DENND2B: variants seen among roughly 807,000 people sequenced by gnomAD.
The protein encoded by DENND2B is DENN domain containing 2B.
Under a neutral mutation model 116.0 loss-of-function variants are expected in DENND2B, and 32 were observed. The ratio of observed to expected loss-of-function variants is 0.28; its 90% CI spans 0.21 to 0.37. The LOEUF (loss-of-function observed/expected upper bound fraction) is 0.37. DENND2B is among the 10% of genes least tolerant of loss of function. The pLI, the probability that DENND2B is intolerant of heterozygous loss-of-function variation, is 1.00. For missense variants in DENND2B, 1,276 were observed against 1,477.7 expected, an observed-to-expected ratio of 0.86 and a Z score of 2.24; for synonymous variants, 588 against 583.9, an observed-to-expected ratio of 1.01 and a Z score of -0.10.
intron 1 of DENND2B, among the ~76,000 whole-genome samples, chr11:8,801,396 G>A (rs2060296430): frequency 6.6e-6 from 1 of 152,130 alleles, no homozygotes; most frequent in South Asian, 2.1e-4. Flanking sequence ...AAACACAGCT[G>A]CCTGGCGTGG....
chr11:8,699,202 C>A lies in DENND2B; in HGVS notation c.2898+11G>T. The stretch of plus-strand genomic sequence containing the variant: ...CACCCTTCCCCCCAGCTGGTTCCCC[C>A]GGTGGCCCACCTCCTCCACAGGCAG... On this transcript the variant is annotated intron_variant, in intron 15 of 19. Transcript: ENST00000313726. 1 of 1,548,198 alleles carries A rather than the reference C, an allele frequency of 6.5e-7. No individual in the cohort carries two copies.
intron 4 of DENND2B, among the ~76,000 whole-genome samples, chr11:8,826,954 G>T (rs2134566864): frequency 6.6e-6 from 1 of 152,334 alleles, no homozygotes; most frequent in Non-Finnish European, 1.5e-5. Context: ...GAAAGGAAAA[G>T]CAGAGGAATG....
intron 1 of DENND2B, among the ~76,000 whole-genome samples, chr11:8,761,146 C>T (rs940443271): frequency 6.6e-6 from 1 of 152,194 alleles, no homozygotes; most frequent in African/African-American, 2.4e-5. Flanking sequence ...TGGGTTTACA[C>T]ACTTCCTGAA....
At chr11:8,769,597 C>T (rs146158936) in intron 1 of DENND2B, among the ~76,000 whole-genome samples, 246 of 152,176 alleles carry the variant, frequency 1.6e-3, no homozygotes, top group African/African-American at 5.7e-3. Flanking sequence ...AGCGTCTCGT[C>T]TTAGAAAAAA....
chr11:8,909,122 G>C (rs147762418), intron 1 of DENND2B, among the ~76,000 whole-genome samples: 3 of 152,288 alleles, frequency 2.0e-5, no homozygotes, highest in African/African-American at 4.8e-5. Context: ...GGAATCCCCA[G>C]ATATAGAGAT....
chr11:8,718,524 C>A, intron 4 of DENND2B: 1 of 1,442,974 alleles, frequency 6.9e-7, no homozygotes, highest in Non-Finnish European at 9.1e-7. Context: ...AGGAAGTGTT[C>A]AGTAATGATC....
intron 1 of DENND2B, among the ~76,000 whole-genome samples, chr11:8,774,890 CT>C (rs1036973672): frequency 3.4e-5 from 5 of 147,174 alleles, no homozygotes; most frequent in Admixed American, 6.7e-5. Flanking sequence ...ATTATTTTCA[CT>C]TTTTTTTGAG....
At chr11:8,776,162 A>ACGCGCGCG in intron 1 of DENND2B, 1 of 231,206 alleles carries the variant, frequency 4.3e-6, no homozygotes, top group Non-Finnish European at 9.2e-6. Context: ...GCGCGCGCGC[A>ACGCGCGCG]CACACACACA....
At chr11:8,851,330 T>C (rs2062999889) in intron 3 of DENND2B, among the ~76,000 whole-genome samples, 1 of 151,668 alleles carries the variant, frequency 6.6e-6, no homozygotes, top group Non-Finnish European at 1.5e-5. Context: ...AAAAATAAAA[T>C]AACAAAAACA....
At chr11:8,727,108 C>G (rs954327152) in intron 3 of DENND2B, among the ~76,000 whole-genome samples, 1 of 152,200 alleles carries the variant, frequency 6.6e-6, no homozygotes, top group Non-Finnish European at 1.5e-5. Flanking sequence ...GAGACCCCAA[C>G]TGTACCCTCT....
chr11:8,798,505 G>A (rs1359172277), intron 1 of DENND2B, among the ~76,000 whole-genome samples: 1 of 152,198 alleles, frequency 6.6e-6, no homozygotes, highest in South Asian at 2.1e-4. Context: ...GGACCCAGGA[G>A]GATGGCACAG....
intron 2 of DENND2B, among the ~76,000 whole-genome samples, chr11:8,864,219 G>A (rs1158430016): frequency 3.3e-5 from 5 of 152,074 alleles, no homozygotes; most frequent in African/African-American, 1.2e-4. Flanking sequence ...TTTGGATCAG[G>A]AGGTACCCAA....
intron 1 of DENND2B, chr11:8,794,918 T>G (rs1482335964): frequency 6.6e-6 from 1 of 152,252 alleles, no homozygotes; most frequent in African/African-American, 2.4e-5. Context: ...GAAATTCAAC[T>G]CCTGGCCTAA....
chr11:8,740,768 G>A (rs923674498), intron 2 of DENND2B, among the ~76,000 whole-genome samples: 12 of 151,538 alleles, frequency 7.9e-5, no homozygotes, highest in Non-Finnish European at 1.3e-4. Context: ...CAGCATTCTC[G>A]GGCTTCTCTA....
At chr11:8,819,538 G>A (rs1237714104) in intron 4 of DENND2B, among the ~76,000 whole-genome samples, 1 of 152,180 alleles carries the variant, frequency 6.6e-6, no homozygotes, top group African/African-American at 2.4e-5. Flanking sequence ...AGTGATCAAC[G>A]TTAACACCAC....
At chr11:8,740,238 T>C (rs1328868151) in intron 2 of DENND2B, among the ~76,000 whole-genome samples, 2 of 150,936 alleles carry the variant, frequency 1.3e-5, no homozygotes, top group Non-Finnish European at 2.9e-5. Context: ...AAGCATCATG[T>C]GTATGTGTGC....
chr11:8,862,576 C>A (rs1466018168), intron 2 of DENND2B, among the ~76,000 whole-genome samples: 1 of 152,094 alleles, frequency 6.6e-6, no homozygotes, highest in Non-Finnish European at 1.5e-5. Flanking sequence ...CTCAAGAGAT[C>A]CACCTGCCAT....
intron 1 of DENND2B, among the ~76,000 whole-genome samples, chr11:8,882,809 AG>A (rs1485542131): frequency 2.0e-5 from 3 of 151,998 alleles, no homozygotes; most frequent in African/African-American, 7.2e-5. Flanking sequence ...GCAACACAGC[AG>A]GGCCCTGTCT....
At chr11:8,833,323 T>C (rs2062291615) in intron 4 of DENND2B, among the ~76,000 whole-genome samples, 1 of 152,328 alleles carries the variant, frequency 6.6e-6, no homozygotes, top group East Asian at 1.9e-4. Flanking sequence ...TCCTGTTATA[T>C]ACTAAGTGTC....
Sources: allele counts gnomAD v4.1 joint callset (sites outside exome capture counted in the v4.1 genomes callset), GRCh38; gene constraint gnomAD v4.1.1; transcripts MANE v1.5; gene names NCBI Gene and HGNC (gene_info 2026-07-23, HGNC 2026-07-21).